The following NOL9 variants were observed in gnomAD, a reference collection of about 807,000 sequenced individuals.
The protein encoded by NOL9 is polynucleotide 5'-hydroxyl-kinase NOL9.
Under a neutral mutation model 67.9 loss-of-function variants are expected in NOL9, and 28 were observed. That is an observed-to-expected ratio of 0.41 (90% CI 0.31 to 0.57). The LOEUF is 0.57. Ranked by LOEUF, NOL9 falls within the 20% of genes least tolerant of loss-of-function variation. The probability of loss-of-function intolerance (pLI) is 0.25; values close to 1 mark genes in which losing one functional copy is unlikely to be tolerated. For synonymous variants in NOL9, 356 were observed against 352.2 expected, an observed-to-expected ratio of 1.01 and a Z score of -0.12; for missense variants, 777 against 897.0, an observed-to-expected ratio of 0.87 and a Z score of 1.71.
rs386366136 is a variant in NOL9, at chr1:6,522,883, C to CAAAAA, written c.*2966_*2970dup. On this transcript the variant is annotated 3_prime_UTR_variant, in exon 12 of 12. Coordinates refer to ENST00000377705, the MANE Select transcript of NOL9 (RefSeq NM_024654.5). The stretch of plus-strand genomic sequence containing the variant: ...TGGGCGACAGAGCTAGACTCTGTCT[C>CAAAAA]AAAAAAAAAAAAAAAAAAGAAATTG... 0.13 allele frequency: 10,800 copies of CAAAAA among 82,322 alleles called. 1,555 individuals are homozygous for CAAAAA. Among genetic ancestry groups the CAAAAA allele is most frequent in the African/African-American group, 0.29 (5,110 of 17,574 alleles). 5.1% of individuals were successfully genotyped at this position (82,322 alleles called of 1,614,324 possible).
rs1368535756 is a variant in NOL9, at chr1:6,524,485, G to C, written c.*1369C>G. Reference sequence around the variant, plus strand: ...TCGGAAGCACCAGGGAGAACGTGGAGAATGGCAGTCTGGTCACCAGCCGCC... The same window carrying C: ...TCGGAAGCACCAGGGAGAACGTGGACAATGGCAGTCTGGTCACCAGCCGCC... On this transcript the variant is annotated 3_prime_UTR_variant, in exon 12 of 12. Coordinates refer to ENST00000377705, the MANE Select transcript of NOL9 (RefSeq NM_024654.5). 1 of 152,280 alleles carries C rather than the reference G, an allele frequency of 6.6e-6. No individual in the cohort carries two copies. The highest frequency in any genetic ancestry group is 2.4e-5 in the African/African-American group (1 of 41,446). The allele number at this position is 152,280 out of a possible 1,614,324, so 9.4% of individuals were successfully genotyped here.
At position 6,533,269 on chromosome 1, in the gene NOL9, T is replaced by C; in HGVS notation, c.1237+11A>G. Reference sequence around the variant, plus strand: ...TGTCCTTCCCTTGCAGATGTGCACATGCAGGCTTACCTGAAACCCATCCCA... The same window carrying C: ...TGTCCTTCCCTTGCAGATGTGCACACGCAGGCTTACCTGAAACCCATCCCA... On this transcript the variant is annotated intron_variant, in intron 7 of 11. Coordinates refer to ENST00000377705, the MANE Select transcript of NOL9 (RefSeq NM_024654.5). 1.3e-6 allele frequency: 2 copies of C among 1,576,648 alleles called. No homozygotes were observed. The highest frequency in any genetic ancestry group is 1.2e-5 in the South Asian group (1 of 86,340).
chr1:6,552,600 G>A (rs1357264722), intron 1 of NOL9, among the ~76,000 whole-genome samples: 2 of 148,694 alleles, frequency 1.3e-5, no homozygotes, highest in African/African-American at 5.0e-5. Context: ...CCTGACCTCA[G>A]GTGATCCGCC....
chr1:6,532,140 C>A, intron 8 of NOL9, 61 bp from the exon 9 acceptor site: 6 of 1,246,336 alleles, frequency 4.8e-6, no homozygotes, highest in Non-Finnish European at 7.1e-6. Context: ...ACCTCCCACA[C>A]CTGTCATCAC....
At chr1:6,526,087 C>T in intron 11 of NOL9, 84 bp from the exon 12 acceptor site, 1 of 1,240,274 alleles carries the variant, frequency 8.1e-7, no homozygotes. Flanking sequence ...ACCTAGAAGG[C>T]AGTGTCATGG....
At chr1:6,540,617 G>C (rs1289657464) in intron 6 of NOL9, among the ~76,000 whole-genome samples, 2 of 152,128 alleles carry the variant, frequency 1.3e-5, no homozygotes, top group Non-Finnish European at 2.9e-5. Flanking sequence ...CCTGAGGTCA[G>C]GAGTTCGAGA....
At chr1:6,539,232 AAC>A (rs1425259182) in intron 6 of NOL9, among the ~76,000 whole-genome samples, 1 of 152,202 alleles carries the variant, frequency 6.6e-6, no homozygotes, top group Admixed American at 6.5e-5. Flanking sequence ...TACTGTGAAA[AAC>A]AGTTTGGCAG....
chr1:6,532,667 T>A lies in NOL9; in HGVS notation c.1331A>T (p.Asp444Val), dbSNP rs1639057792. ...FRSDHSKYMP[D>V]LTPQYVDDMD... ...GTCATCTACATACTGCGGGGTAAGGTCTGGCATATATTTACTGTGGTCAGA... is the reference window on the plus strand; with the variant it reads ...GTCATCTACATACTGCGGGGTAAGGACTGGCATATATTTACTGTGGTCAGA... The change falls in exon 8 of 12, where the codon GAC becomes GTC. Residue 444 changes from aspartate (D) to valine (V), a missense_variant. Asp to Val is a radical substitution (Grantham distance 152, BLOSUM62 -3). Transcript: ENST00000377705. 6.2e-7 allele frequency: 1 copy of A among 1,614,054 alleles called. No homozygotes were observed. The highest frequency in any genetic ancestry group is 1.3e-5 in the African/African-American group (1 of 74,910).
chr1:6,551,945 G>A (rs1207527148), intron 1 of NOL9, among the ~76,000 whole-genome samples: 3 of 152,094 alleles, frequency 2.0e-5, no homozygotes, highest in Non-Finnish European at 2.9e-5. Flanking sequence ...TGAGGCAGGA[G>A]AATGGCGTGA....
intron 11 of NOL9, 31 bp downstream of exon 11, chr1:6,526,665 C>T (rs756539712): frequency 1.9e-6 from 3 of 1,585,238 alleles, no homozygotes; most frequent in Admixed American, 3.6e-5. Flanking sequence ...GAGTAGGCTC[C>T]TTCCAGGGCT....
intron 3 of NOL9, among the ~76,000 whole-genome samples, chr1:6,547,644 C>T (rs1428874384): frequency 6.6e-6 from 1 of 152,028 alleles, no homozygotes; most frequent in Non-Finnish European, 1.5e-5. Context: ...TGCTGGAGTC[C>T]AAGAGTTCGT....
intron 9 of NOL9, 69 bp downstream of exon 9, chr1:6,531,899 C>A (rs1216038415): frequency 2.3e-5 from 28 of 1,209,126 alleles, no homozygotes; most frequent in Non-Finnish European, 2.8e-5. Context: ...TAGGAGAGCG[C>A]CCAGCACACA....
At position 6,554,148 on chromosome 1, in the gene NOL9, C is replaced by A. The variant is rs1267155514; in HGVS notation, c.355G>T (p.Val119Leu). The part of the protein sequence containing the change: ...RPLLIPPVRP[V>L]GPGRALLLLP... Reference sequence around the variant, plus strand: ...AGCAGCAACGCGCGGCCGGGGCCCACGGGCCGCACCGGTGGGATGAGGAGA... The same window carrying A: ...AGCAGCAACGCGCGGCCGGGGCCCAAGGGCCGCACCGGTGGGATGAGGAGA... Residue 119 changes from valine (V) to leucine (L), a missense_variant, in exon 1 of 12, where the codon GTG (valine) becomes TTG (leucine). Around this residue, in one of 2 missense-constraint regions of NOL9, gnomAD observed 364 missense variants for 344.4 expected, o/e 1.06. Coordinates refer to ENST00000377705, the MANE Select transcript of NOL9 (RefSeq NM_024654.5). The A allele has an allele frequency of 6.5e-7, 1 of 1,529,832 alleles. No individual in the cohort carries two copies. Among genetic ancestry groups the A allele is most frequent in the South Asian group, 1.2e-5 (1 of 83,256 alleles). 94.8% of individuals were successfully genotyped at this position (1,529,832 alleles called of 1,614,324 possible). A position where few individuals can be genotyped will look rare whatever the true frequency, so the allele number is the denominator to read the frequency against.
chr1:6,527,464 T>C (rs1345677185), intron 10 of NOL9, among the ~76,000 whole-genome samples: 1 of 151,552 alleles, frequency 6.6e-6, no homozygotes, highest in Non-Finnish European at 1.5e-5. Context: ...CTGGCCAACA[T>C]GGTGAAACCC....
chr1:6,541,259 T>C (rs57203351), intron 6 of NOL9, among the ~76,000 whole-genome samples: 26,687 of 152,076 alleles, frequency 0.18, 2,798 homozygotes, highest in African/African-American at 0.3. Flanking sequence ...CCTCAGCTCA[T>C]TGCAACTTCC....
At position 6,550,577 on chromosome 1, in the gene NOL9, G is replaced by A. The variant is rs761783156; in HGVS notation, c.435C>T (p.Leu145=). The change falls in exon 2 of 12, where the codon CTC becomes CTT. Residue 145 remains leucine (L), a synonymous_variant. Transcript: ENST00000377705. ...TFSGICRVTC[L]YGQVQVFGFT... is the part of the protein sequence containing the mutation. ...AACCAAATACCTGCACCTGGCCATA[G>A]AGGCAAGTCACACGACAGATCCCAC... 1.2e-6 allele frequency: 2 copies of A among 1,613,570 alleles called. No individual in the cohort carries two copies. The highest frequency in any genetic ancestry group is 1.7e-6 in the Non-Finnish European group (2 of 1,179,946).
At chr1:6,539,826 G>A (rs1039860564) in intron 6 of NOL9, among the ~76,000 whole-genome samples, 4 of 152,156 alleles carry the variant, frequency 2.6e-5, no homozygotes, top group Non-Finnish European at 5.9e-5. Context: ...GATGGATTTT[G>A]ACAATACTAT....
chr1:6,530,773 AG>A (rs140662145), intron 9 of NOL9, among the ~76,000 whole-genome samples: 3 of 152,370 alleles, frequency 2.0e-5, no homozygotes, highest in Non-Finnish European at 4.4e-5. Flanking sequence ...TTTCTCTCAC[AG>A]GGTGGCCATG....
intron 1 of NOL9, among the ~76,000 whole-genome samples, chr1:6,552,318 A>ATTTAAAT (rs1639560849): frequency 6.6e-6 from 1 of 150,566 alleles, no homozygotes; most frequent in African/African-American, 2.4e-5. Context: ...GAGCCACCAC[A>ATTTAAAT]CCCGGCCGAT....
Sources: allele counts gnomAD v4.1 joint callset (sites outside exome capture counted in the v4.1 genomes callset), GRCh38; gene constraint gnomAD v4.1.1; regional missense constraint gnomAD v4.1.1; transcripts MANE v1.5; gene names NCBI Gene and HGNC (gene_info 2026-07-23, HGNC 2026-07-21).